Variants in ZDHHC3 observed in about 807,000 individuals in gnomAD.
The protein encoded by ZDHHC3 is palmitoyltransferase ZDHHC3.
Under a neutral mutation model 30.6 loss-of-function variants are expected in ZDHHC3, and 9 were observed. That is an observed-to-expected ratio of 0.29 (90% CI 0.18 to 0.51). The LOEUF (loss-of-function observed/expected upper bound fraction) is 0.51, where lower values mean the gene tolerates loss of function less well. ZDHHC3 is among the 20% of genes least tolerant of loss of function. The pLI is 0.97. For synonymous variants in ZDHHC3, 136 were observed against 140.2 expected (o/e 0.97, Z 0.21); for missense variants, 246 against 384.2 (o/e 0.64, Z 3.01).
At position 44,925,588 on chromosome 3, in the gene ZDHHC3, C is replaced by G. The variant is rs1353841571; in HGVS notation, c.*1101G>C. Reference sequence around the variant, plus strand: ...CTGTGGATTCTGGCCAATGGGATGGCCATATGTCAACTTTGAAAGGGTGGG... The same window carrying G: ...CTGTGGATTCTGGCCAATGGGATGGGCATATGTCAACTTTGAAAGGGTGGG... On this transcript the variant is annotated 3_prime_UTR_variant, in exon 7 of 7. Coordinates refer to ENST00000424952, the MANE Select transcript of ZDHHC3 (RefSeq NM_001135179.2). The G allele has an allele frequency of 2.0e-6, 2 of 985,452 alleles. No individual in the cohort carries two copies. The highest frequency in any genetic ancestry group is 1.7e-5 in the African/African-American group (1 of 57,356). The allele number at this position is 985,452 out of a possible 1,614,324, so 61.0% of individuals were successfully genotyped here.
At chr3:44,937,961 G>T in intron 3 of ZDHHC3, 1 of 453,404 alleles carries the variant, frequency 2.2e-6, no homozygotes, top group South Asian at 1.6e-5. Flanking sequence ...GAAAGAAACA[G>T]AAAAATGTTA....
In ZDHHC3 at chr3:44,945,298, G is replaced by A; in HGVS notation, c.307-6C>T. 1.2e-6 allele frequency: 2 copies of A among 1,614,178 alleles called. No homozygotes were observed. The highest frequency in any genetic ancestry group is 1.7e-6 in the Non-Finnish European group (2 of 1,180,038). ...TTTCCTTTGGGCACTGCCCCCTGTA[G>A]GAAAGATGAAAGGTATCAGGGTTGG... is the stretch of plus-strand genomic sequence containing the variant. On this transcript the variant is annotated splice_polypyrimidine_tract_variant and splice_region_variant and intron_variant, in intron 2 of 6. Transcript: ENST00000424952.
In ZDHHC3 at chr3:44,924,703, A is replaced by G; in HGVS notation, c.*1986T>C. On this transcript the variant is annotated 3_prime_UTR_variant, in exon 7 of 7. Coordinates refer to ENST00000424952, the MANE Select transcript of ZDHHC3 (RefSeq NM_001135179.2). ...TCTCTTCCCCCTAGGGGAGGGCCAG[A>G]GCTGTAGCCCTGCTCTAGTTATTTA... The G allele has an allele frequency of 1.0e-6, 1 of 985,466 alleles. No individual in the cohort carries two copies. The highest frequency in any genetic ancestry group is 1.2e-6 in the Non-Finnish European group (1 of 829,940). The allele number at this position is 985,466 out of a possible 1,614,324, so 61.0% of individuals were successfully genotyped here.
At chr3:44,956,250 A>G (rs928998643) in intron 2 of ZDHHC3, among the ~76,000 whole-genome samples, 31 of 152,142 alleles carry the variant, frequency 2.0e-4, no homozygotes, top group Admixed American at 1.6e-3. Flanking sequence ...ACAGAAACCA[A>G]TGACCTCCAC....
In ZDHHC3 at chr3:44,929,464, G is replaced by C. The variant is rs138041054; in HGVS notation, c.611-28C>G. 1.9e-4 allele frequency: 299 copies of C among 1,612,246 alleles called. No homozygotes were observed. The African/African-American group carries it at 3.7e-3, about 20-fold the overall frequency. On this transcript the variant is annotated intron_variant, in intron 5 of 6. Coordinates refer to ENST00000424952, the MANE Select transcript of ZDHHC3 (RefSeq NM_001135179.2). ...GAAAGAGAAGCAGCACACAGGGATT[G>C]GTACTGTCACCCACTGCCTGCTGCC...
In ZDHHC3 at chr3:44,922,470, T is replaced by C. The variant is rs1700661689; in HGVS notation, c.*4219A>G. 3 of 985,388 alleles carry C rather than the reference T, an allele frequency of 3.0e-6. No individual in the cohort carries two copies. Among genetic ancestry groups the C allele is most frequent in the African/African-American group, 3.5e-5 (2 of 57,346 alleles). The allele number at this position is 985,388 out of a possible 1,614,324, so 61.0% of individuals were successfully genotyped here. ...TCTGCTTCATACAGACTTTCTTTGATGTCTTGGCAGTTGTTTGTTGGGGAG... is the reference window on the plus strand; with the variant it reads ...TCTGCTTCATACAGACTTTCTTTGACGTCTTGGCAGTTGTTTGTTGGGGAG... On this transcript the variant is annotated 3_prime_UTR_variant, in exon 7 of 7. Coordinates refer to ENST00000424952, the MANE Select transcript of ZDHHC3 (RefSeq NM_001135179.2).
Position 44,921,542 on chromosome 3 carries a change from T to C in ZDHHC3, c.*5147A>G. On this transcript the variant is annotated 3_prime_UTR_variant, in exon 7 of 7. Coordinates refer to ENST00000424952, the MANE Select transcript of ZDHHC3 (RefSeq NM_001135179.2). The stretch of plus-strand genomic sequence containing the variant: ...CATTAAACATTTTTCTTGAAAAACA[T>C]GCTGGTTGCAAACCATGAATGGCTG... 4.1e-6 allele frequency: 4 copies of C among 985,454 alleles called. No individual in the cohort carries two copies. Among genetic ancestry groups the C allele is most frequent in the Non-Finnish European group, 4.8e-6 (4 of 829,940 alleles). The allele number at this position is 985,454 out of a possible 1,614,324, so 61.0% of individuals were successfully genotyped here. A position where few individuals can be genotyped will look rare whatever the true frequency, so the allele number is the denominator to read the frequency against.
At chr3:44,935,338 C>T (rs553817210) in intron 3 of ZDHHC3, among the ~76,000 whole-genome samples, 4 of 152,252 alleles carry the variant, frequency 2.6e-5, no homozygotes, top group Non-Finnish European at 5.9e-5. Flanking sequence ...TGCAGTGGTG[C>T]GATCACGACT....
Position 44,920,275 on chromosome 3 carries a change from T to A in ZDHHC3, c.*6414A>T. On this transcript the variant is annotated 3_prime_UTR_variant, in exon 7 of 7. Coordinates refer to ENST00000424952, the MANE Select transcript of ZDHHC3 (RefSeq NM_001135179.2). ...GCCTCCCTTCTTGGCACAGAAGCAGTGACCAGCTGAGATGGTTTGCTTTGG... is the reference window on the plus strand; with the variant it reads ...GCCTCCCTTCTTGGCACAGAAGCAGAGACCAGCTGAGATGGTTTGCTTTGG... The A allele has an allele frequency of 7.8e-7, 1 of 1,289,888 alleles. No individual in the cohort carries two copies. The highest frequency in any genetic ancestry group is 1.0e-6 in the Non-Finnish European group (1 of 988,888). The allele number at this position is 1,289,888 out of a possible 1,614,324, so 79.9% of individuals were successfully genotyped here. A position where few individuals can be genotyped will look rare whatever the true frequency, so the allele number is the denominator to read the frequency against.
Position 44,924,349 on chromosome 3 carries a change from AC to A in ZDHHC3, c.*2339del, listed in dbSNP as rs1014843582. 107 of 985,356 alleles carry A rather than the reference AC, an allele frequency of 1.1e-4. No homozygotes were observed. The highest frequency in any genetic ancestry group is 1.2e-4 in the Non-Finnish European group (99 of 829,942). The allele number at this position is 985,356 out of a possible 1,614,324, so 61.0% of individuals were successfully genotyped here. A position where few individuals can be genotyped will look rare whatever the true frequency, so the allele number is the denominator to read the frequency against. On this transcript the variant is annotated 3_prime_UTR_variant, in exon 7 of 7. Coordinates refer to ENST00000424952, the MANE Select transcript of ZDHHC3 (RefSeq NM_001135179.2). Reference sequence around the variant, plus strand: ...TGCTCTTGGCAAAATATCAGTCTGAACAAAAATGAAATAGGAAAAATGCCAG... The same window carrying A: ...TGCTCTTGGCAAAATATCAGTCTGAAAAAAATGAAATAGGAAAAATGCCAG...
chr3:44,929,269 C>A, intron 6 of ZDHHC3, 37 bp downstream of exon 6: 1 of 1,609,612 alleles, frequency 6.2e-7, no homozygotes, highest in South Asian at 1.1e-5. Flanking sequence ...CTCCCCATCC[C>A]CAGGTGTGGA....
At chr3:44,973,769 T>C (rs1705615565) in intron 1 of ZDHHC3, among the ~76,000 whole-genome samples, 1 of 152,366 alleles carries the variant, frequency 6.6e-6, no homozygotes, top group South Asian at 2.1e-4. Flanking sequence ...GGTTAATCTT[T>C]ATAAAGTGCT....
In ZDHHC3 at chr3:44,917,857, G is replaced by GCA. The variant is rs2125771620; in HGVS notation, c.*8830_*8831dup. The GCA allele has an allele frequency of 7.8e-7, 1 of 1,290,014 alleles. No homozygotes were observed. The highest frequency in any genetic ancestry group is 5.6e-5 in the East Asian group (1 of 17,952). The allele number at this position is 1,290,014 out of a possible 1,614,324, so 79.9% of individuals were successfully genotyped here. ...CAAAACCCCAGGATGAAGGTTGACA[G>GCA]CACTTTTTAGTGTTTGCTTCTCTCC... On this transcript the variant is annotated 3_prime_UTR_variant, in exon 7 of 7. Transcript: ENST00000424952.
Position 44,925,713 on chromosome 3 carries a change from G to T in ZDHHC3, c.*976C>A, listed in dbSNP as rs1488305490. 1.0e-6 allele frequency: 1 copy of T among 985,546 alleles called. No homozygotes were observed. The highest frequency in any genetic ancestry group is 1.7e-5 in the African/African-American group (1 of 57,364). The allele number at this position is 985,546 out of a possible 1,614,324, so 61.1% of individuals were successfully genotyped here. A position where few individuals can be genotyped will look rare whatever the true frequency, so the allele number is the denominator to read the frequency against. On this transcript the variant is annotated 3_prime_UTR_variant, in exon 7 of 7. Coordinates refer to ENST00000424952, the MANE Select transcript of ZDHHC3 (RefSeq NM_001135179.2). ...GACACAGGTACGTGCACATTTATGG[G>T]GGTTAACTATCAGAAAGTGAATCCA...
chr3:44,918,137 C>T lies in ZDHHC3; in HGVS notation c.*8552G>A, dbSNP rs1174971934. The T allele has an allele frequency of 1.0e-5, 13 of 1,304,338 alleles. No homozygotes were observed. The highest frequency in any genetic ancestry group is 5.6e-5 in the East Asian group (1 of 17,990). 80.8% of individuals were successfully genotyped at this position (1,304,338 alleles called of 1,614,324 possible). On this transcript the variant is annotated 3_prime_UTR_variant, in exon 7 of 7. Transcript: ENST00000424952. ...GGCTGGTTCTTTCGTTTGAGGCGCT[C>T]GATGCCCTGCAGGGAGAAGGGGATG...
chr3:44,922,375 G>C lies in ZDHHC3; in HGVS notation c.*4314C>G, dbSNP rs1056764844. 1.2e-5 allele frequency: 12 copies of C among 985,258 alleles called. No homozygotes were observed. The African/African-American group carries it at 1.7e-4, about 14-fold the overall frequency. The allele number at this position is 985,258 out of a possible 1,614,324, so 61.0% of individuals were successfully genotyped here. A position where few individuals can be genotyped will look rare whatever the true frequency, so the allele number is the denominator to read the frequency against. On this transcript the variant is annotated 3_prime_UTR_variant, in exon 7 of 7. Coordinates refer to ENST00000424952, the MANE Select transcript of ZDHHC3 (RefSeq NM_001135179.2). ...TTCCGGGCTGCTTCTTCACCCAAAG[G>C]GCCCTTGGTCTAGAGATGGGTTCCA...
rs1468711361 is a variant in ZDHHC3, at chr3:44,922,598, C to A, written c.*4091G>T. 3.0e-6 allele frequency: 3 copies of A among 985,278 alleles called. No homozygotes were observed. The highest frequency in any genetic ancestry group is 3.6e-6 in the Non-Finnish European group (3 of 829,930). 61.0% of individuals were successfully genotyped at this position (985,278 alleles called of 1,614,324 possible). ...CCCAACTGCACTATGCTGAGCCCAG[C>A]AGCACACAAGACCCATATCACCAGC... On this transcript the variant is annotated 3_prime_UTR_variant, in exon 7 of 7. Transcript: ENST00000424952.
chr3:44,920,064 A>G lies in ZDHHC3; in HGVS notation c.*6625T>C. 8.5e-7 allele frequency: 1 copy of G among 1,181,882 alleles called. No individual in the cohort carries two copies. Among genetic ancestry groups the G allele is most frequent in the Admixed American group, 3.6e-5 (1 of 28,154 alleles). 73.2% of individuals were successfully genotyped at this position (1,181,882 alleles called of 1,614,324 possible). On this transcript the variant is annotated 3_prime_UTR_variant, in exon 7 of 7. Coordinates refer to ENST00000424952, the MANE Select transcript of ZDHHC3 (RefSeq NM_001135179.2). ...ACTTTTGGGGATGGAATTCTAGAGG[A>G]TTTGTATTTATTTCTGTAGACTTCT...
intron 1 of ZDHHC3, among the ~76,000 whole-genome samples, chr3:44,972,346 C>T (rs1193477043): frequency 2.6e-5 from 4 of 152,294 alleles, no homozygotes; most frequent in Non-Finnish European, 5.9e-5. Flanking sequence ...ACTTGTAATC[C>T]CAGCTACTCG....
Sources: allele counts gnomAD v4.1 joint callset (sites outside exome capture counted in the v4.1 genomes callset), GRCh38; gene constraint gnomAD v4.1.1; transcripts MANE v1.5; gene names NCBI Gene and HGNC (gene_info 2026-07-23, HGNC 2026-07-21).